EPPIN: variants seen among roughly 807,000 people sequenced by gnomAD.
The protein encoded by EPPIN is WAP four-disulfide core domain protein 7.
A neutral mutation model predicts 18.8 loss-of-function variants in EPPIN; 14 were observed. The observed-to-expected ratio is 0.75, with a 90% CI of 0.49 to 1.17. The LOEUF (loss-of-function observed/expected upper bound fraction) is 1.17, where lower values mean the gene tolerates loss of function less well. EPPIN is among the 50% of genes most tolerant of loss of function. EPPIN has a pLI of 0.00. For missense variants in EPPIN, 143 were observed against 154.2 expected, an observed-to-expected ratio of 0.93 and a Z score of 0.39; for synonymous variants, 57 against 54.8, an observed-to-expected ratio of 1.04 and a Z score of -0.18.
In EPPIN at chr20:45,545,577, G is replaced by A. The variant is rs759407126; in HGVS notation, c.223+62C>T. 1.2e-5 allele frequency: 20 copies of A among 1,609,666 alleles called. No individual in the cohort carries two copies. The Admixed American group carries it at 3.2e-4, about 26-fold the overall frequency. ...GCGATCAGGGCACAAAGCCAGTCCA[G>A]GAAGGCAGAAGGTGAGGACAGGGGG... On this transcript the variant is annotated intron_variant, in intron 2 of 3. Coordinates refer to ENST00000354280, the MANE Select transcript of EPPIN (RefSeq NM_020398.4).
At chr20:45,542,551 G>A (rs1979641106) in intron 3 of EPPIN, 149 bp downstream of exon 3, 2 of 1,203,040 alleles carry the variant, frequency 1.7e-6, no homozygotes, top group African/African-American at 1.5e-5. Flanking sequence ...CTTGCCTTTT[G>A]CCAGGTGCAT....
At position 45,542,072 on chromosome 20, in the gene EPPIN, C is replaced by T. The variant is rs553164406; in HGVS notation, c.*72G>A. The T allele has an allele frequency of 2.1e-5, 34 of 1,585,740 alleles. No homozygotes were observed. Among genetic ancestry groups the T allele is most frequent in the Middle Eastern group, 1.7e-4 (1 of 5,958 alleles). Reference sequence around the variant, plus strand: ...GAAACTGGAAGCCAGTCTGGAGCATCCGTCAGGTACAGGAACAGTACTCAG... The same window carrying T: ...GAAACTGGAAGCCAGTCTGGAGCATTCGTCAGGTACAGGAACAGTACTCAG... On this transcript the variant is annotated 3_prime_UTR_variant, in exon 4 of 4. Transcript: ENST00000354280.
chr20:45,545,791 C>T (rs1979803746), intron 1 of EPPIN, 21 bp from the exon 2 acceptor site: 3 of 1,612,872 alleles, frequency 1.9e-6, no homozygotes, highest in African/African-American at 1.3e-5. Context: ...AGCGGTTTTA[C>T]ACCCGTGTGC....
intron 3 of EPPIN, 159 bp downstream of exon 3, chr20:45,542,541 C>T (rs943421365): frequency 8.2e-6 from 9 of 1,102,828 alleles, no homozygotes; most frequent in Non-Finnish European, 1.3e-6. Context: ...GTAACTTTGT[C>T]TTGCCTTTTG....
chr20:45,542,610 G>A, intron 3 of EPPIN, 90 bp downstream of exon 3: 1 of 1,523,338 alleles, frequency 6.6e-7, no homozygotes, highest in Non-Finnish European at 8.8e-7. Context: ...GTCTGCCAAA[G>A]ATGTAGCTGT....
chr20:45,542,137 T>C lies in EPPIN; in HGVS notation c.*7A>G. 9 of 1,613,686 alleles carry C rather than the reference T, an allele frequency of 5.6e-6. No homozygotes were observed. Among genetic ancestry groups the C allele is most frequent in the Non-Finnish European group, 7.6e-6 (9 of 1,179,772 alleles). Reference sequence around the variant, plus strand: ...TCTGGCAGTTCTTCCAGTGCATCCTTATCCAATCAGGGAAAGCCTGCAGAG... The same window carrying C: ...TCTGGCAGTTCTTCCAGTGCATCCTCATCCAATCAGGGAAAGCCTGCAGAG... On this transcript the variant is annotated 3_prime_UTR_variant, in exon 4 of 4. Coordinates refer to ENST00000354280, the MANE Select transcript of EPPIN (RefSeq NM_020398.4).
At chr20:45,542,556 G>T in intron 3 of EPPIN, 144 bp downstream of exon 3, 2 of 1,249,838 alleles carry the variant, frequency 1.6e-6, no homozygotes, top group Non-Finnish European at 2.2e-6. Context: ...CTTTTGCCAG[G>T]TGCATTCTTA....
At position 45,547,251 on chromosome 20, in the gene EPPIN, T is replaced by C; in HGVS notation, c.91+16A>G. 1 of 1,613,748 alleles carries C rather than the reference T, an allele frequency of 6.2e-7. No individual in the cohort carries two copies. The highest frequency in any genetic ancestry group is 8.5e-7 in the Non-Finnish European group (1 of 1,179,774). ...ACTCCCCTCTCTCTAGGGTAAGGGC[T>C]GAGGCCAATACTTACTGGGAAATAA... On this transcript the variant is annotated intron_variant, in intron 1 of 3. Transcript: ENST00000354280.
At chr20:45,547,191 C>A in intron 1 of EPPIN, 76 bp downstream of exon 1, 1 of 1,597,964 alleles carries the variant, frequency 6.3e-7, no homozygotes, top group Non-Finnish European at 8.5e-7. Flanking sequence ...CAACCCACAT[C>A]TGAAGAGTTC....
Position 45,542,057 on chromosome 20 carries a change from G to A in EPPIN, c.*87C>T. On this transcript the variant is annotated 3_prime_UTR_variant, in exon 4 of 4. Coordinates refer to ENST00000354280, the MANE Select transcript of EPPIN (RefSeq NM_020398.4). ...TGGAATGCTGAGAGTGAAACTGGAAGCCAGTCTGGAGCATCCGTCAGGTAC... is the reference window on the plus strand; with the variant it reads ...TGGAATGCTGAGAGTGAAACTGGAAACCAGTCTGGAGCATCCGTCAGGTAC... The A allele has an allele frequency of 6.5e-7, 1 of 1,548,698 alleles. No homozygotes were observed. Among genetic ancestry groups the A allele is most frequent in the Middle Eastern group, 1.7e-4 (1 of 5,804 alleles).
At chr20:45,542,322 T>C in intron 3 of EPPIN, 168 bp from the exon 4 acceptor site, 1 of 863,550 alleles carries the variant, frequency 1.2e-6, no homozygotes, top group Non-Finnish European at 1.8e-6. Context: ...AGTGAATCGC[T>C]GCCAAAGAGT....
intron 3 of EPPIN, 94 bp downstream of exon 3, chr20:45,542,606 C>T: frequency 6.6e-7 from 1 of 1,519,084 alleles, no homozygotes; most frequent in Admixed American, 2.2e-5. Context: ...CCAGGTCTGC[C>T]AAAGATGTAG....
At chr20:45,543,108 C>A (rs1450664437) in intron 2 of EPPIN, 3 of 529,294 alleles carry the variant, frequency 5.7e-6, no homozygotes, top group Non-Finnish European at 9.3e-6. Flanking sequence ...GAGGTCAGAC[C>A]AAAATAGGGT....
Position 45,542,817 on chromosome 20 carries a change from G to T in EPPIN, c.274C>A (p.His92Asn). 6.2e-7 allele frequency: 1 copy of T among 1,613,888 alleles called. No individual in the cohort carries two copies. The highest frequency in any genetic ancestry group is 8.5e-7 in the Non-Finnish European group (1 of 1,179,842). The change falls in exon 3 of 4, where the codon CAT (histidine) becomes AAT (asparagine). Residue 92 changes from histidine to asparagine, a missense_variant. His to Asn is a moderately conservative substitution (Grantham distance 68). Transcript: ENST00000354280. ...ETGPCLAYFL[H>N]WWYDKKDNTC... The stretch of plus-strand genomic sequence containing the variant: ...TTATCTTTCTTGTCATACCACCAAT[G>T]AAGAAAATAAGCCAGGCAGGGGCCA...
At chr20:45,545,064 T>G (rs1884473762) in intron 2 of EPPIN, 1 of 152,406 alleles carries the variant, frequency 6.6e-6, no homozygotes, top group African/African-American at 2.4e-5. Flanking sequence ...CAAATCCTAT[T>G]GTGGGTCTCA....
intron 3 of EPPIN, 101 bp from the exon 4 acceptor site, chr20:45,542,255 AAAG>A: frequency 6.6e-7 from 1 of 1,511,418 alleles, no homozygotes; most frequent in South Asian, 1.2e-5. Context: ...AAGACACTAA[AAAG>A]TAGTGGGTTT....
At chr20:45,545,882 T>G in intron 1 of EPPIN, 112 bp from the exon 2 acceptor site, 1 of 1,519,772 alleles carries the variant, frequency 6.6e-7, no homozygotes, top group African/African-American at 1.4e-5. Context: ...TCAGTTTGCT[T>G]GCCCCCAGGA....
intron 2 of EPPIN, chr20:45,544,325 T>C (rs374221009): frequency 1.8e-4 from 28 of 152,182 alleles, no homozygotes; most frequent in African/African-American, 6.8e-4. Flanking sequence ...GTGGCTACTG[T>C]GTGCCAGGCA....
rs1979621424 is a variant in EPPIN at position 45,542,167 on chromosome 20, T to C, written c.392-13A>G. On this transcript the variant is annotated splice_polypyrimidine_tract_variant and intron_variant, in intron 3 of 3. Coordinates refer to ENST00000354280, the MANE Select transcript of EPPIN (RefSeq NM_020398.4). ...AATCAGGGAAAGCCTGCAGAGAACG[T>C]AGGACAGAAACAGCTGAGCATCTTG... 10 of 1,613,496 alleles carry C rather than the reference T, an allele frequency of 6.2e-6. No individual in the cohort carries two copies. The highest frequency in any genetic ancestry group is 1.1e-5 in the South Asian group (1 of 90,968).
Sources: allele counts gnomAD v4.1 joint callset, GRCh38; gene constraint gnomAD v4.1.1; transcripts MANE v1.5; gene names NCBI Gene and HGNC (gene_info 2026-07-23, HGNC 2026-07-21).